SEMA3A: variants seen among roughly 807,000 people sequenced by gnomAD.
The protein encoded by SEMA3A is semaphorin-3A.
In SEMA3A, 29 loss-of-function variants were observed where a neutral mutation model predicts 97.9. The ratio of observed to expected loss-of-function variants is 0.30; its 90% CI spans 0.22 to 0.40. The LOEUF (loss-of-function observed/expected upper bound fraction) is 0.40, where lower values mean the gene tolerates loss of function less well. Among genes scored for constraint, SEMA3A ranks in the 10% least tolerant of loss-of-function variants. The pLI, the probability that SEMA3A is intolerant of heterozygous loss-of-function variation, is 1.00. For synonymous variants in SEMA3A, 321 were observed against 323.7 expected (o/e 0.99, Z 0.09); for missense variants, 763 against 951.3 (o/e 0.80, Z 2.60).
intron 6 of SEMA3A, among the ~76,000 whole-genome samples, chr7:84,041,316 T>C (rs1433495710): frequency 6.6e-6 from 1 of 152,072 alleles, no homozygotes; most frequent in Admixed American, 6.6e-5. Flanking sequence ...GAAAAAAAGA[T>C]GTATTTAGTG....
At chr7:84,287,285 C>T (rs1800614126) in intron 3 of SEMA3A, among the ~76,000 whole-genome samples, 1 of 152,140 alleles carries the variant, frequency 6.6e-6, no homozygotes. Context: ...ATAATTATCT[C>T]AATCAAGGTA....
intron 1 of SEMA3A, among the ~76,000 whole-genome samples, chr7:84,375,002 G>C (rs1803062889): frequency 6.6e-6 from 1 of 151,926 alleles, no homozygotes; most frequent in African/African-American, 2.4e-5. Context: ...CTGTTTCAGG[G>C]AATAAGTAAT....
intron 2 of SEMA3A, among the ~76,000 whole-genome samples, chr7:84,349,752 C>G (rs1043378475): frequency 1.3e-5 from 2 of 152,170 alleles, no homozygotes; most frequent in Non-Finnish European, 2.9e-5. Context: ...CTGATCTTAA[C>G]TGATAAGAGT....
intron 3 of SEMA3A, among the ~76,000 whole-genome samples, chr7:84,126,826 T>C (rs1016363402): frequency 6.6e-6 from 1 of 152,186 alleles, no homozygotes; most frequent in Admixed American, 6.5e-5. Flanking sequence ...TCTCACTTAA[T>C]AGATGAGAAG....
At chr7:84,114,421 C>T (rs1583986867) in intron 3 of SEMA3A, among the ~76,000 whole-genome samples, 1 of 152,184 alleles carries the variant, frequency 6.6e-6, no homozygotes, top group East Asian at 1.9e-4. Flanking sequence ...TAGCATATAA[C>T]ATTGACTCAG....
At chr7:84,111,532 T>C (rs558160555) in intron 3 of SEMA3A, among the ~76,000 whole-genome samples, 158 of 152,352 alleles carry the variant, frequency 1.0e-3, no homozygotes, top group African/African-American at 3.7e-3. Flanking sequence ...AGCAGATTAA[T>C]TGATATTTAA....
At chr7:84,385,816 T>C (rs1363119652) in intron 1 of SEMA3A, among the ~76,000 whole-genome samples, 1 of 152,210 alleles carries the variant, frequency 6.6e-6, no homozygotes, top group Non-Finnish European at 1.5e-5. Context: ...TTTTTAGGAC[T>C]ATAAAACAAT....
intron 1 of SEMA3A, among the ~76,000 whole-genome samples, chr7:84,453,285 G>C (rs1398252781): frequency 1.3e-5 from 2 of 150,570 alleles, no homozygotes; most frequent in Non-Finnish European, 3.0e-5. Flanking sequence ...GCCCAGGCTG[G>C]AGTGCAGTGG....
intron 2 of SEMA3A, among the ~76,000 whole-genome samples, chr7:84,311,885 A>T (rs2040696): frequency 2.0e-5 from 3 of 151,538 alleles, no homozygotes; most frequent in Non-Finnish European, 4.4e-5. Flanking sequence ...TGAAAACACA[A>T]GTTTATAAAG....
At chr7:84,489,290 AC>A (rs1806660356) in intron 1 of SEMA3A, 1 of 152,086 alleles carries the variant, frequency 6.6e-6, no homozygotes, top group Non-Finnish European at 1.5e-5. Context: ...AATTATCTCC[AC>A]CTGGTACCGC....
At chr7:84,052,691 T>C (rs923972483) in intron 5 of SEMA3A, among the ~76,000 whole-genome samples, 3 of 151,834 alleles carry the variant, frequency 2.0e-5, no homozygotes, top group African/African-American at 7.3e-5. Context: ...TTTGGAAGGG[T>C]TTTTTTGTGT....
intron 9 of SEMA3A, among the ~76,000 whole-genome samples, chr7:84,008,490 CAAAAAAAAAA>C (rs752729583): frequency 1.2e-5 from 1 of 81,204 alleles, no homozygotes; most frequent in African/African-American, 4.2e-5. Context: ...GACTCCGTCT[CAAAAAAAAAA>C]AAAAAAAAGA....
chr7:84,469,509 C>G (rs1806092593), intron 1 of SEMA3A, among the ~76,000 whole-genome samples: 1 of 152,216 alleles, frequency 6.6e-6, no homozygotes, highest in Middle Eastern at 3.4e-3. Flanking sequence ...GCATCTGATA[C>G]AAAATAATAA....
intron 6 of SEMA3A, among the ~76,000 whole-genome samples, chr7:84,018,873 A>G (rs1396428996): frequency 6.6e-6 from 1 of 152,196 alleles, no homozygotes; most frequent in Non-Finnish European, 1.5e-5. Flanking sequence ...TCAGGAGTAT[A>G]TTTTCAGAAG....
chr7:84,027,008 A>C (rs982071333), intron 6 of SEMA3A, among the ~76,000 whole-genome samples: 1 of 152,182 alleles, frequency 6.6e-6, no homozygotes, highest in Non-Finnish European at 1.5e-5. Context: ...TAAAAGTTAA[A>C]AAAAAAACTG....
At chr7:84,009,361 T>C (rs1790788431) in intron 9 of SEMA3A, among the ~76,000 whole-genome samples, 1 of 152,256 alleles carries the variant, frequency 6.6e-6, no homozygotes, top group Non-Finnish European at 1.5e-5. Context: ...TATTTAGGTA[T>C]GCAGAACTGC....
chr7:84,117,218 T>C (rs1021934572), intron 3 of SEMA3A, among the ~76,000 whole-genome samples: 6 of 152,218 alleles, frequency 3.9e-5, no homozygotes, highest in African/African-American at 9.6e-5. Context: ...AAATAATTTA[T>C]GCACACATTT....
At chr7:84,304,178 G>A (rs561232018) in intron 3 of SEMA3A, among the ~76,000 whole-genome samples, 11 of 152,220 alleles carry the variant, frequency 7.2e-5, no homozygotes, top group Non-Finnish European at 1.3e-4. Context: ...TTAAAAACCA[G>A]AAACATGGGC....
intron 1 of SEMA3A, among the ~76,000 whole-genome samples, chr7:84,454,212 C>T (rs1395813444): frequency 6.6e-6 from 1 of 152,024 alleles, no homozygotes; most frequent in East Asian, 1.9e-4. Flanking sequence ...CTCTCTTTTG[C>T]CATTTTTTAT....
Sources: allele counts gnomAD v4.1 joint callset (sites outside exome capture counted in the v4.1 genomes callset), GRCh38; gene constraint gnomAD v4.1.1; transcripts MANE v1.5; gene names NCBI Gene and HGNC (gene_info 2026-07-23, HGNC 2026-07-21).